The following TRPV2 variants were observed in gnomAD, a reference collection of about 807,000 sequenced individuals.
The protein encoded by TRPV2 is OTRPC2.
A neutral mutation model predicts 91.0 loss-of-function variants in TRPV2; 58 were observed. The ratio of observed to expected loss-of-function variants is 0.64; its 90% CI spans 0.52 to 0.79. The LOEUF is 0.79. Ranked by LOEUF, TRPV2 falls within the 30% of genes least tolerant of loss-of-function variation. The pLI is 0.00. For synonymous variants in TRPV2, 417 were observed against 414.8 expected (o/e 1.01, Z -0.06); for missense variants, 807 against 969.6 (o/e 0.83, Z 2.23).
chr17:16,433,296 G>A (rs1216331141), intron 12 of TRPV2: 3 of 344,848 alleles, frequency 8.7e-6, no homozygotes, highest in African/African-American at 2.1e-5. Context: ...GTAAGAGCAA[G>A]TAGCTGTCCA....
Position 16,416,947 on chromosome 17 carries a change from G to T in TRPV2, c.-107-615G>T, listed in dbSNP as rs115255495. ...AATATTGGCTGCCAGGCAAGACGTT[G>T]TGTAAAGAAAGGGTTGTGCTGTTAA... On this transcript the variant is annotated intron_variant, in intron 1 of 14. Transcript: ENST00000338560. 9.5e-3 allele frequency among the ~76,000 whole-genome samples: 1,442 copies of T among 152,334 alleles called. 27 individuals carry two copies. Among genetic ancestry groups the T allele is most frequent in the African/African-American group, 0.032 (1,324 of 41,572 alleles).
At chr17:16,423,822 C>A in intron 5 of TRPV2, 55 bp downstream of exon 5, 1 of 1,480,030 alleles carries the variant, frequency 6.8e-7, no homozygotes, top group Non-Finnish European at 9.0e-7. Context: ...AGGTCTCATC[C>A]CAAAATTTCT....
chr17:16,428,855 T>A lies in TRPV2; in HGVS notation c.1460T>A (p.Leu487Gln). 6.2e-7 allele frequency: 1 copy of A among 1,613,938 alleles called. No homozygotes were observed. The highest frequency in any genetic ancestry group is 8.5e-7 in the Non-Finnish European group (1 of 1,180,012). ...CTGCTCACAGTGGTGTCCCAGGTGCTGTGTTTCCTGGCCATCGAGTGGTAC... is the reference window on the plus strand; with the variant it reads ...CTGCTCACAGTGGTGTCCCAGGTGCAGTGTTTCCTGGCCATCGAGTGGTAC... ...QALLTVVSQV[L>Q]CFLAIEWYLP... Residue 487 changes from leucine to glutamine, a missense_variant, in exon 10 of 15, where the codon CTG (leucine) becomes CAG (glutamine). Coordinates refer to ENST00000338560, the MANE Select transcript of TRPV2 (RefSeq NM_016113.5).
At chr17:16,424,602 T>A (rs1412226215) in intron 5 of TRPV2, among the ~76,000 whole-genome samples, 1 of 152,180 alleles carries the variant, frequency 6.6e-6, no homozygotes, top group Non-Finnish European at 1.5e-5. Context: ...GGCCAAACAT[T>A]GGGAATTTTT....
chr17:16,432,291 G>A lies in TRPV2; in HGVS notation c.1980G>A (p.Trp660Ter), dbSNP rs1410482683. 1.1e-5 allele frequency: 18 copies of A among 1,604,786 alleles called. No individual in the cohort carries two copies. The highest frequency in any genetic ancestry group is 1.4e-5 in the Non-Finnish European group (17 of 1,173,006). Residue 660 changes from tryptophan (W) to a stop codon, truncating the protein, a stop_gained, in exon 12 of 15, where the codon TGG becomes TGA. Transcript: ENST00000338560. LOFTEE classifies it high-confidence loss of function. ...TCGCCACTGACAGCTGGAGCATCTG[G>A]AAGCTGCAGGTGCCACCAGAGAGGC... is the stretch of plus-strand genomic sequence containing the variant. ...NSVATDSWSI[W>*]KLQKAISVLE...
intron 13 of TRPV2, 152 bp from the exon 14 acceptor site, chr17:16,434,738 C>G: frequency 1.5e-6 from 1 of 655,534 alleles, no homozygotes; most frequent in African/African-American, 1.9e-5. Context: ...GGCCCAGAAC[C>G]CTGCAGAGAA....
intron 2 of TRPV2, 33 bp downstream of exon 2, chr17:16,417,901 G>T: frequency 1.9e-6 from 3 of 1,597,260 alleles, no homozygotes; most frequent in Non-Finnish European, 8.5e-7. Flanking sequence ...GGCAAAGGGG[G>T]CCCCCTGCCC....
rs771385099 is a variant in TRPV2, at chr17:16,417,667, G to C, written c.-2G>C. 4.3e-6 allele frequency: 7 copies of C among 1,613,306 alleles called. No homozygotes were observed. The South Asian group carries it at 7.7e-5, about 18-fold the overall frequency. On this transcript the variant is annotated 5_prime_UTR_variant, in exon 2 of 15. Coordinates refer to ENST00000338560, the MANE Select transcript of TRPV2 (RefSeq NM_016113.5). ...TGGACCGAGCAGCCTCCTCCTCCTA[G>C]GATGACCTCACCCTCCAGCTCTCCA...
Position 16,432,223 on chromosome 17 carries a change from C to T in TRPV2, c.1912C>T (p.Leu638Phe), listed in dbSNP as rs1453216905. The change falls in exon 12 of 15, where the codon CTC becomes TTC. Residue 638 changes from leucine (L) to phenylalanine (F), a missense_variant. By Grantham distance (22) the Leu-to-Phe change is conservative (BLOSUM62 0). Coordinates refer to ENST00000338560, the MANE Select transcript of TRPV2 (RefSeq NM_016113.5). ...AYVLLTYILL[L>F]NMLIALMSET... ...CGTGCTGCTCACCTACATCCTGCTG[C>T]TCAACATGCTCATCGCCCTCATGAG... 1 of 1,614,170 alleles carries T rather than the reference C, an allele frequency of 6.2e-7. No individual in the cohort carries two copies. Among genetic ancestry groups the T allele is most frequent in the Non-Finnish European group, 8.5e-7 (1 of 1,179,990 alleles).
At chr17:16,419,220 T>C (rs1385716395) in intron 2 of TRPV2, 5 of 418,992 alleles carry the variant, frequency 1.2e-5, no homozygotes, top group Non-Finnish European at 2.4e-5. Flanking sequence ...TTGGCCCCTG[T>C]GATTAGTAAC....
Position 16,426,185 on chromosome 17 carries a change from G to T in TRPV2, c.1011G>T (p.Arg337=). 6.2e-7 allele frequency: 1 copy of T among 1,614,196 alleles called. No homozygotes were observed. The highest frequency in any genetic ancestry group is 1.1e-5 in the South Asian group (1 of 91,082). The part of the protein sequence containing the change: ...KFTEWCYGPV[R]VSLYDLASVD... Reference sequence around the variant, plus strand: ...CCGAGTGGTGCTATGGGCCTGTCCGGGTGTCGCTGTATGACCTGGCTTCTG... The same window carrying T: ...CCGAGTGGTGCTATGGGCCTGTCCGTGTGTCGCTGTATGACCTGGCTTCTG... Residue 337 remains arginine, a synonymous_variant, in exon 6 of 15, where the codon CGG becomes CGT. Coordinates refer to ENST00000338560, the MANE Select transcript of TRPV2 (RefSeq NM_016113.5). The surrounding 1 kb of genome is among the most constrained non-coding windows in gnomAD (Gnocchi z 6.0).
rs10634588 is a variant in TRPV2, at chr17:16,434,467, C to CAAA, written c.2115-408_2115-406dup. 7.2e-3 allele frequency among the ~76,000 whole-genome samples: 788 copies of CAAA among 109,466 alleles called. 14 individuals are homozygous for CAAA. Among genetic ancestry groups the CAAA allele is most frequent in the African/African-American group, 0.026 (706 of 26,880 alleles). 71.8% of individuals were successfully genotyped at this position (109,466 alleles called of 152,430 possible). A position where few individuals can be genotyped will look rare whatever the true frequency, so the allele number is the denominator to read the frequency against. The stretch of plus-strand genomic sequence containing the variant: ...TGGGCGACAGAGCGAGACTCCATCT[C>CAAA]AAAAAAAAAAAAAAAAAGAAAACAA... On this transcript the variant is annotated intron_variant, in intron 13 of 14. Coordinates refer to ENST00000338560, the MANE Select transcript of TRPV2 (RefSeq NM_016113.5).
Position 16,431,849 on chromosome 17 carries a change from A to G in TRPV2, c.1653A>G (p.Val551=), listed in dbSNP as rs1568919850. Residue 551 remains valine (V), a splice_region_variant and synonymous_variant, in exon 11 of 15, where the codon GTA becomes GTG. Transcript: ENST00000338560. ...TAGTCTTCCTTTTCGGCTTCGCTGT[A>G]GGTAAAGGCTCCCTCCGGCCCCCTC... The part of the protein sequence containing the change: ...IYLVFLFGFA[V]ALVSLSQEAW... The G allele has an allele frequency of 6.2e-7, 1 of 1,614,082 alleles. No individual in the cohort carries two copies. Among genetic ancestry groups the G allele is most frequent in the Non-Finnish European group, 8.5e-7 (1 of 1,180,016 alleles).
At position 16,435,127 on chromosome 17, in the gene TRPV2, A is replaced by G. The variant is rs2093429903; in HGVS notation, c.2194+158A>G. Among the ~76,000 whole-genome samples the G allele has an allele frequency of 6.6e-6, 1 of 151,820 alleles. No individual in the cohort carries two copies. The highest frequency in any genetic ancestry group is 2.1e-4 in the South Asian group (1 of 4,826). On this transcript the variant is annotated intron_variant, in intron 14 of 14. Coordinates refer to ENST00000338560, the MANE Select transcript of TRPV2 (RefSeq NM_016113.5). This position sits in a 1 kb window ranked among gnomAD's most constrained non-coding sequence, Gnocchi z 4.2. ...TCCTCTTAGAGGGATTGCCTCCTTA[A>G]AACAGTGGTTCCCTCCTTTCCTTTC...
intron 12 of TRPV2, 119 bp downstream of exon 12, chr17:16,432,419 C>A: frequency 1.3e-6 from 1 of 799,966 alleles, no homozygotes; most frequent in Non-Finnish European, 1.9e-6. Flanking sequence ...GGCAGCTCTA[C>A]CTTGTCAGTC....
Position 16,428,851 on chromosome 17 carries a change from G to A in TRPV2, c.1456G>A (p.Val486Met), listed in dbSNP as rs745413529. ...FQALLTVVSQVLCFLAIEWYL... is the reference protein window; with the variant it reads ...FQALLTVVSQMLCFLAIEWYL... Reference sequence around the variant, plus strand: ...GGCCCTGCTCACAGTGGTGTCCCAGGTGCTGTGTTTCCTGGCCATCGAGTG... The same window carrying A: ...GGCCCTGCTCACAGTGGTGTCCCAGATGCTGTGTTTCCTGGCCATCGAGTG... Residue 486 changes from valine (V) to methionine (M), a missense_variant, in exon 10 of 15, where the codon GTG becomes ATG. Transcript: ENST00000338560. The A allele has an allele frequency of 1.9e-6, 3 of 1,613,894 alleles. No individual in the cohort carries two copies. The South Asian group carries it at 3.3e-5, about 18-fold the overall frequency.
rs559187728 is a variant in TRPV2, at chr17:16,435,318, C to T, written c.2194+349C>T. Among the ~76,000 whole-genome samples the T allele has an allele frequency of 9.2e-5, 14 of 152,292 alleles. No individual in the cohort carries two copies. In the South Asian group the frequency reaches 2.7e-3, roughly 29 times the overall value. On this transcript the variant is annotated intron_variant, in intron 14 of 14. Coordinates refer to ENST00000338560, the MANE Select transcript of TRPV2 (RefSeq NM_016113.5). This position sits in a 1 kb window ranked among gnomAD's most constrained non-coding sequence, Gnocchi z 4.2. ...GTCCCCAGCCAGGCCTGGGCTGAGCCTGGGGACTCAGCAGGGGAATAAGTT... is the reference window on the plus strand; with the variant it reads ...GTCCCCAGCCAGGCCTGGGCTGAGCTTGGGGACTCAGCAGGGGAATAAGTT...
At chr17:16,433,729 G>T (rs1249841593) in intron 13 of TRPV2, 31 bp downstream of exon 13, 1 of 1,609,254 alleles carries the variant, frequency 6.2e-7, no homozygotes, top group Admixed American at 1.7e-5. Flanking sequence ...TCTCCTGGGG[G>T]CCTTGCTGTC....
At chr17:16,419,405 C>A in intron 2 of TRPV2, 1 of 470,930 alleles carries the variant, frequency 2.1e-6, no homozygotes, top group East Asian at 7.0e-5. Flanking sequence ...AGCGTTGGGC[C>A]CAGGTAATGC....
Sources: allele counts gnomAD v4.1 joint callset (sites outside exome capture counted in the v4.1 genomes callset), GRCh38; gene constraint gnomAD v4.1.1; non-coding constraint Gnocchi (gnomAD v3.1); transcripts MANE v1.5; gene names NCBI Gene and HGNC (gene_info 2026-07-23, HGNC 2026-07-21).